SRGAP3: variants seen among roughly 807,000 people sequenced by gnomAD.
SRGAP3 encodes SLIT-ROBO Rho GTPase activating protein 3, also known as SLIT-ROBO Rho GTPase-activating protein 3.
Under a neutral mutation model 121.1 loss-of-function variants are expected in SRGAP3, and 39 were observed. That is an observed-to-expected ratio of 0.32 (90% CI 0.25 to 0.42). SRGAP3 has a LOEUF of 0.42. SRGAP3 is among the 10% of genes least tolerant of loss of function. The pLI is 1.00. For synonymous variants in SRGAP3, 601 were observed against 570.0 expected (o/e 1.05, Z -0.77); for missense variants, 1,213 against 1,470.6 (o/e 0.82, Z 2.86).
chr3:9,031,418 T>C (rs989068864), intron 12 of SRGAP3, among the ~76,000 whole-genome samples: 6 of 152,166 alleles, frequency 3.9e-5, no homozygotes, highest in African/African-American at 1.2e-4. Flanking sequence ...GATGCATCCA[T>C]GGGCCCTTCC....
chr3:9,102,482 A>C (rs1260968632), intron 3 of SRGAP3, among the ~76,000 whole-genome samples: 1 of 152,176 alleles, frequency 6.6e-6, no homozygotes, highest in African/African-American at 2.4e-5. Flanking sequence ...GTGAGTGAGG[A>C]TCCCCAGTCT....
At chr3:9,177,826 T>A (rs78145996) in intron 1 of SRGAP3, among the ~76,000 whole-genome samples, 4,980 of 152,302 alleles carry the variant, frequency 0.033, 143 homozygotes, top group Middle Eastern at 0.1. Context: ...GACCCTGGTC[T>A]GGCCAAGAGA....
chr3:9,208,279 C>T lies in SRGAP3; in HGVS notation c.67+40606G>A, dbSNP rs548784684. 1.5e-3 allele frequency among the ~76,000 whole-genome samples: 221 copies of T among 152,184 alleles called. 3 individuals are homozygous for T. Among genetic ancestry groups the T allele is most frequent in the Admixed American group, 2.7e-3 (41 of 15,280 alleles). On this transcript the variant is annotated intron_variant, in intron 1 of 21. Coordinates refer to ENST00000383836, the MANE Select transcript of SRGAP3 (RefSeq NM_014850.4). The stretch of plus-strand genomic sequence containing the variant: ...TAGCCAACCCCCCTACAGCATCTCC[C>T]AGTGTCAAAACATCGCAGGCAGAGC...
At chr3:9,101,336 G>A (rs1948206585) in intron 3 of SRGAP3, among the ~76,000 whole-genome samples, 3 of 152,200 alleles carry the variant, frequency 2.0e-5, no homozygotes, top group Admixed American at 6.5e-5. Context: ...CAGTCCCATG[G>A]GTCAGGTGGA....
At chr3:9,187,683 A>G (rs1191050746) in intron 1 of SRGAP3, among the ~76,000 whole-genome samples, 1 of 152,146 alleles carries the variant, frequency 6.6e-6, no homozygotes, top group Non-Finnish European at 1.5e-5. Flanking sequence ...CTGACAGGGC[A>G]TGCTCTGCCT....
chr3:9,294,068 C>T (rs1054374572), intron 3 of SRGAP3, among the ~76,000 whole-genome samples: 2 of 152,090 alleles, frequency 1.3e-5, no homozygotes, highest in African/African-American at 4.8e-5. Context: ...ATAGCAAAGA[C>T]ATGGAATCAA....
intron 3 of SRGAP3, among the ~76,000 whole-genome samples, chr3:9,310,156 TCAGGAC>T (rs962442941): frequency 4.6e-5 from 7 of 152,154 alleles, no homozygotes; most frequent in African/African-American, 1.7e-4. Flanking sequence ...CAGAGCCAAG[TCAGGAC>T]CAGGTTTCCT....
chr3:9,254,589 T>C (rs1217977849), upstream of SRGAP3, among the ~76,000 whole-genome samples: 1 of 151,712 alleles, frequency 6.6e-6, no homozygotes, highest in Admixed American at 6.6e-5. Context: ...AGCTCAGGAG[T>C]TCGAGACCAG....
intron 1 of SRGAP3, among the ~76,000 whole-genome samples, chr3:9,332,725 T>C (rs943743139): frequency 2.4e-4 from 37 of 152,214 alleles, no homozygotes; most frequent in African/African-American, 8.7e-4. Flanking sequence ...TCTTCCAAGC[T>C]TTACTGACTC....
At chr3:9,016,610 T>C (rs1466873372) in intron 14 of SRGAP3, among the ~76,000 whole-genome samples, 2 of 152,200 alleles carry the variant, frequency 1.3e-5, no homozygotes, top group South Asian at 2.1e-4. Flanking sequence ...ATTTTCCCCC[T>C]ACTTTGTAAT....
intron 3 of SRGAP3, among the ~76,000 whole-genome samples, chr3:9,085,512 T>G (rs1194586088): frequency 6.6e-6 from 1 of 152,180 alleles, no homozygotes; most frequent in East Asian, 1.9e-4. Flanking sequence ...CACATGCATG[T>G]GTATGTTCAT....
intron 1 of SRGAP3, among the ~76,000 whole-genome samples, chr3:9,170,175 G>A (rs1950924290): frequency 6.6e-6 from 1 of 152,168 alleles, no homozygotes; most frequent in Admixed American, 6.5e-5. Context: ...GTGGGTGAAT[G>A]TCCGTAGAAG....
intron 7 of SRGAP3, among the ~76,000 whole-genome samples, chr3:9,057,294 C>T (rs1442240407): frequency 6.6e-6 from 1 of 152,174 alleles, no homozygotes; most frequent in Non-Finnish European, 1.5e-5. Flanking sequence ...CTCACCCCTT[C>T]CAGGAACACA....
In SRGAP3 at chr3:8,994,417, C is replaced by T. The variant is rs770659662; in HGVS notation, c.2334G>A (p.Ser778=). Residue 778 remains serine (S), a synonymous_variant, in exon 19 of 22, where the codon TCG becomes TCA. Coordinates refer to ENST00000383836, the MANE Select transcript of SRGAP3 (RefSeq NM_014850.4). ...GASLLLYHRA[S]EDWWEGRHNG... ...TGTGCCGGCCCTCCCACCAGTCCTC[C>T]GAGGCGCGGTGGTACAGGAGCAGCG... is the stretch of plus-strand genomic sequence containing the variant. 1.9e-5 allele frequency: 31 copies of T among 1,614,124 alleles called. 1 individual carries two copies. In the Admixed American group the frequency reaches 4.0e-4, roughly 21 times the overall value.
intron 12 of SRGAP3, among the ~76,000 whole-genome samples, chr3:9,028,990 G>A (rs188987545): frequency 1.2e-4 from 19 of 152,280 alleles, no homozygotes; most frequent in African/African-American, 3.6e-4. Flanking sequence ...TCTCTGGGGT[G>A]AGCACTTGTC....
chr3:9,344,900 G>T (rs1461720853), intron 1 of SRGAP3, among the ~76,000 whole-genome samples: 3 of 151,716 alleles, frequency 2.0e-5, no homozygotes, highest in African/African-American at 7.3e-5. Context: ...AGCTGGGTGT[G>T]GTGGCGTGCG....
chr3:9,060,623 G>A (rs1946110528), intron 5 of SRGAP3, among the ~76,000 whole-genome samples: 1 of 152,044 alleles, frequency 6.6e-6, no homozygotes, highest in African/African-American at 2.4e-5. Context: ...GTTTTTTAGA[G>A]ATGGTGGGGT....
intron 1 of SRGAP3, among the ~76,000 whole-genome samples, chr3:9,132,912 C>CAT (rs1949509473): frequency 9.8e-6 from 1 of 102,258 alleles, no homozygotes; most frequent in Non-Finnish European, 2.5e-5. Context: ...TTTACTCCCA[C>CAT]CTCTATCAAC....
At chr3:9,142,829 CTTTTTTTT>C (rs397795766) in intron 1 of SRGAP3, among the ~76,000 whole-genome samples, 7 of 90,832 alleles carry the variant, frequency 7.7e-5, no homozygotes, top group South Asian at 4.5e-4. Context: ...GGGCAATTTC[CTTTTTTTT>C]TTTTTTTTTT....
Sources: gnomAD v4.1 joint callset for allele counts (sites outside exome capture counted in the v4.1 genomes callset) on GRCh38, gnomAD v4.1.1 for gene constraint, MANE v1.5 for transcripts, NCBI Gene and HGNC (gene_info 2026-07-23, HGNC 2026-07-21) for gene names.